Variants in WNK2 observed in about 807,000 individuals in gnomAD.
WNK2 encodes serine/threonine-protein kinase WNK2.
A neutral mutation model predicts 192.1 loss-of-function variants in WNK2; 67 were observed. That is an observed-to-expected ratio of 0.35 (90% CI 0.29 to 0.43). WNK2 has a LOEUF of 0.43. Ranked by LOEUF, WNK2 falls within the 20% of genes least tolerant of loss-of-function variation. WNK2 has a pLI of 1.00. For missense variants in WNK2, 2,698 were observed against 3,089.7 expected (o/e 0.87, Z 3.01); for synonymous variants, 1,439 against 1,393.9 (o/e 1.03, Z -0.72).
intron 19 of WNK2, among the ~76,000 whole-genome samples, chr9:93,270,545 G>T (rs968665568): frequency 6.6e-6 from 1 of 152,198 alleles, no homozygotes; most frequent in African/African-American, 2.4e-5. Flanking sequence ...TGAGCTGGTG[G>T]TGAGTTGAAT....
intron 2 of WNK2, among the ~76,000 whole-genome samples, chr9:93,228,166 C>T (rs1588039178): frequency 6.6e-6 from 1 of 152,178 alleles, no homozygotes; most frequent in Non-Finnish European, 1.5e-5. Flanking sequence ...CTGCACAGTC[C>T]CACACTGCAA....
At chr9:93,265,767 G>A (rs921418433) in intron 16 of WNK2, among the ~76,000 whole-genome samples, 12 of 152,266 alleles carry the variant, frequency 7.9e-5, no homozygotes, top group Admixed American at 6.5e-4. Flanking sequence ...CGAGCAGGAA[G>A]CCACACATGC....
At chr9:93,287,182 A>G (rs1007297936) in intron 19 of WNK2, among the ~76,000 whole-genome samples, 2 of 152,230 alleles carry the variant, frequency 1.3e-5, no homozygotes, top group African/African-American at 4.8e-5. Context: ...CATAATTAAA[A>G]AACAATAAAG....
intron 26 of WNK2, among the ~76,000 whole-genome samples, chr9:93,302,946 T>G (rs1003131765): frequency 6.6e-6 from 1 of 150,634 alleles, no homozygotes; most frequent in Non-Finnish European, 1.5e-5. Flanking sequence ...TGAGACAAAG[T>G]CTGGCTCTGT....
intron 4 of WNK2, among the ~76,000 whole-genome samples, chr9:93,233,232 A>G (rs1839197456): frequency 6.6e-6 from 1 of 151,442 alleles, no homozygotes; most frequent in African/African-American, 2.4e-5. Context: ...TAGTGCAGCA[A>G]ATTTTCAGTA....
Position 93,239,605 on chromosome 9 carries a change from CT to C in WNK2, c.1323-148del, listed in dbSNP as rs1840404778. Among the ~76,000 whole-genome samples the C allele has an allele frequency of 6.6e-6, 1 of 152,120 alleles. No individual in the cohort carries two copies. The highest frequency in any genetic ancestry group is 2.4e-5 in the African/African-American group (1 of 41,410). On this transcript the variant is annotated intron_variant, in intron 6 of 29. Coordinates refer to ENST00000427277, the MANE Select transcript of WNK2 (RefSeq NM_006648.4). The surrounding 1 kb of genome is among the most constrained non-coding windows in gnomAD (Gnocchi z 4.2). ...ATAGTAAGACTGGATTCACTGAAATCTTTTCTTTACCCCTGGGAGTGCTGAG... is the reference window on the plus strand; with the variant it reads ...ATAGTAAGACTGGATTCACTGAAATCTTTCTTTACCCCTGGGAGTGCTGAG...
chr9:93,319,519 T>A, intron 29 of WNK2: 1 of 604,670 alleles, frequency 1.7e-6, no homozygotes, highest in Non-Finnish European at 2.1e-6. Context: ...TGATTACACT[T>A]AGCAGTGCCA....
At chr9:93,274,481 CAGCCCG>C in intron 19 of WNK2, among the ~76,000 whole-genome samples, 1 of 145,036 alleles carries the variant, frequency 6.9e-6, no homozygotes, top group East Asian at 2.0e-4. Flanking sequence ...CACTGCACTC[CAGCCCG>C]GGCAACAGTG....
chr9:93,237,116 G>A (rs1839945459), intron 5 of WNK2, among the ~76,000 whole-genome samples: 2 of 152,156 alleles, frequency 1.3e-5, no homozygotes, highest in Non-Finnish European at 2.9e-5. Flanking sequence ...TTCAAGCAGT[G>A]GGGAGGGGAG....
chr9:93,268,964 C>T, intron 19 of WNK2: 1 of 1,549,140 alleles, frequency 6.5e-7, no homozygotes, highest in Non-Finnish European at 8.7e-7. Flanking sequence ...TGAGTCTGCC[C>T]TGTTACCCCA....
chr9:93,317,208 G>C (rs967183800), intron 28 of WNK2: 1 of 490,744 alleles, frequency 2.0e-6, no homozygotes, highest in Non-Finnish European at 3.7e-6. Context: ...AGAGGCATGT[G>C]GGGTCACTCA....
chr9:93,245,757 G>A (rs1465097597), intron 7 of WNK2, among the ~76,000 whole-genome samples: 3 of 152,166 alleles, frequency 2.0e-5, no homozygotes, highest in African/African-American at 7.2e-5. Flanking sequence ...CTGTCCCATT[G>A]CTGCCTAGTG....
intron 2 of WNK2, among the ~76,000 whole-genome samples, chr9:93,196,462 G>A (rs1321446726): frequency 6.6e-6 from 1 of 152,124 alleles, no homozygotes; most frequent in East Asian, 1.9e-4. Context: ...ATCCATGTTG[G>A]CATTTTGTCC....
rs750121838 is a variant in WNK2, at chr9:93,257,174, C to T, written c.2382+35C>T. ...GGTTGATGGCTGCCGTCAGTGGTGG[C>T]GCACGCTTTGCCAGGCCCTGGCTGG... is the stretch of plus-strand genomic sequence containing the variant. On this transcript the variant is annotated intron_variant, in intron 11 of 29. Coordinates refer to ENST00000427277, the MANE Select transcript of WNK2 (RefSeq NM_006648.4). This position sits in a 1 kb window ranked among gnomAD's most constrained non-coding sequence, Gnocchi z 4.7. 12 of 1,585,842 alleles carry T rather than the reference C, an allele frequency of 7.6e-6. No homozygotes were observed. The highest frequency in any genetic ancestry group is 3.8e-5 in the Admixed American group (2 of 53,190).
rs1211524793 is a variant in WNK2, at chr9:93,247,133, C to T, written c.1543-410C>T. ...TGTGGCCCCGTTCCCCATCTTTGGG[C>T]AGCCCCAGACTCAGAGACGTTTCAG... On this transcript the variant is annotated intron_variant, in intron 7 of 29. Coordinates refer to ENST00000427277, the MANE Select transcript of WNK2 (RefSeq NM_006648.4). The surrounding 1 kb of genome is among the most constrained non-coding windows in gnomAD (Gnocchi z 5.2). 6.6e-6 allele frequency among the ~76,000 whole-genome samples: 1 copy of T among 152,250 alleles called. No individual in the cohort carries two copies. The highest frequency in any genetic ancestry group is 1.5e-5 in the Non-Finnish European group (1 of 68,048).
intron 4 of WNK2, among the ~76,000 whole-genome samples, chr9:93,232,468 C>T (rs929970608): frequency 2.0e-5 from 3 of 152,180 alleles, no homozygotes; most frequent in African/African-American, 7.2e-5. Context: ...GAGCTCTGTG[C>T]ACTTTCTGGG....
chr9:93,259,667 G>A lies in WNK2; in HGVS notation c.3066+53G>A. 6.9e-7 allele frequency: 1 copy of A among 1,446,080 alleles called. No homozygotes were observed. Among genetic ancestry groups the A allele is most frequent in the Non-Finnish European group, 9.1e-7 (1 of 1,094,612 alleles). 89.6% of individuals were successfully genotyped at this position (1,446,080 alleles called of 1,614,324 possible). On this transcript the variant is annotated intron_variant, in intron 12 of 29. Coordinates refer to ENST00000427277, the MANE Select transcript of WNK2 (RefSeq NM_006648.4). This position sits in a 1 kb window ranked among gnomAD's most constrained non-coding sequence, Gnocchi z 4.8. ...CCTCCCAGCGTCTGGGGACCCTCAG[G>A]ACCCAGAGATGCAAAGGAGGACAGA...
Position 93,292,998 on chromosome 9 carries a change from C to G in WNK2, c.5533C>G (p.Gln1845Glu). The G allele has an allele frequency of 6.3e-7, 1 of 1,580,918 alleles. No homozygotes were observed. Among genetic ancestry groups the G allele is most frequent in the Non-Finnish European group, 8.6e-7 (1 of 1,165,336 alleles). Residue 1845 changes from glutamine (Q) to glutamate (E), a missense_variant, in exon 23 of 30, where the codon CAG (glutamine) becomes GAG (glutamate). Transcript: ENST00000427277. The stretch of plus-strand genomic sequence containing the variant: ...CGTGAAGAAGGCCACCGCCTTCCTG[C>G]AGAGGCCTTCTCGGGCCGGCTCGCT... ...DFVKKATAFL[Q>E]RPSRAGSLGP...
At chr9:93,215,728 C>G (rs1456582682) in intron 2 of WNK2, among the ~76,000 whole-genome samples, 2 of 152,158 alleles carry the variant, frequency 1.3e-5, no homozygotes, top group Admixed American at 6.5e-5. Flanking sequence ...TTGGACCATA[C>G]TAATTTTACA....
Sources: gnomAD v4.1 joint callset for allele counts (sites outside exome capture counted in the v4.1 genomes callset) on GRCh38, gnomAD v4.1.1 for gene constraint, Gnocchi (gnomAD v3.1) non-coding constraint, MANE v1.5 for transcripts, NCBI Gene and HGNC (gene_info 2026-07-23, HGNC 2026-07-21) for gene names.